Variants in FBXL17 observed in about 807,000 individuals in gnomAD.
The protein encoded by FBXL17 is F-box and leucine rich repeat protein 17, also known as F-box/LRR-repeat protein 17.
A neutral mutation model predicts 66.2 loss-of-function variants in FBXL17; 22 were observed. That is an observed-to-expected ratio of 0.33 (90% CI 0.24 to 0.47). FBXL17 has a LOEUF of 0.47. FBXL17 is among the 20% of genes least tolerant of loss of function. The pLI is 1.00. For synonymous variants in FBXL17, 474 were observed against 400.5 expected, an observed-to-expected ratio of 1.18 and a Z score of -2.19; for missense variants, 878 against 948.2, an observed-to-expected ratio of 0.93 and a Z score of 0.97.
intron 4 of FBXL17, among the ~76,000 whole-genome samples, chr5:108,314,240 T>C (rs926909941): frequency 2.8e-4 from 42 of 151,714 alleles, no homozygotes; most frequent in African/African-American, 9.7e-4. Flanking sequence ...TCTCTTGAAC[T>C]GTGATAAAAG....
chr5:108,284,664 G>A (rs555105247), intron 4 of FBXL17, among the ~76,000 whole-genome samples: 20 of 151,902 alleles, frequency 1.3e-4, no homozygotes, highest in Non-Finnish European at 2.7e-4. Flanking sequence ...CAACCTATGC[G>A]TGTAACAAAA....
chr5:108,301,251 A>C (rs1210011767), intron 4 of FBXL17, among the ~76,000 whole-genome samples: 1 of 151,782 alleles, frequency 6.6e-6, no homozygotes, highest in Non-Finnish European at 1.5e-5. Flanking sequence ...ACATATGTAT[A>C]TAGATGAATT....
At chr5:108,315,570 T>C (rs1272386651) in intron 4 of FBXL17, among the ~76,000 whole-genome samples, 1 of 151,176 alleles carries the variant, frequency 6.6e-6, no homozygotes, top group African/African-American at 2.4e-5. Flanking sequence ...TTTCTAATTA[T>C]AATACAACCA....
chr5:108,292,826 G>A (rs1027302801), intron 4 of FBXL17, among the ~76,000 whole-genome samples: 16 of 152,156 alleles, frequency 1.1e-4, no homozygotes, highest in Non-Finnish European at 1.5e-4. Flanking sequence ...GAGGCCGGGC[G>A]TGGTGGCTTA....
intron 6 of FBXL17, among the ~76,000 whole-genome samples, chr5:108,047,848 A>G (rs1747317185): frequency 6.6e-6 from 1 of 152,152 alleles, no homozygotes; most frequent in Non-Finnish European, 1.5e-5. Flanking sequence ...AGACCAGCAG[A>G]CTTAACCTTT....
At chr5:108,050,355 A>G (rs892297581) in intron 6 of FBXL17, among the ~76,000 whole-genome samples, 2 of 152,318 alleles carry the variant, frequency 1.3e-5, no homozygotes, top group East Asian at 1.9e-4. Flanking sequence ...TGAAATCATA[A>G]CAAACATCCT....
intron 6 of FBXL17, among the ~76,000 whole-genome samples, chr5:108,114,796 ATATT>A (rs1311100804): frequency 2.0e-5 from 3 of 152,256 alleles, no homozygotes; most frequent in African/African-American, 7.2e-5. Context: ...TAGGGTGAAC[ATATT>A]TATCATTGGC....
chr5:108,023,517 C>G (rs1736100365), intron 6 of FBXL17, among the ~76,000 whole-genome samples: 1 of 152,120 alleles, frequency 6.6e-6, no homozygotes, highest in South Asian at 2.1e-4. Context: ...CGTAATCCAC[C>G]TATGTCGCGT....
chr5:107,879,281 G>C, intron 8 of FBXL17: 1 of 985,418 alleles, frequency 1.0e-6, no homozygotes, highest in Non-Finnish European at 1.2e-6. Context: ...GCATTCATGT[G>C]GCAGTTCCTT....
intron 6 of FBXL17, among the ~76,000 whole-genome samples, chr5:108,167,219 A>G (rs1752446523): frequency 6.6e-6 from 1 of 152,218 alleles, no homozygotes; most frequent in South Asian, 2.1e-4. Flanking sequence ...GTAACCTTCA[A>G]GAATCTGCTA....
chr5:108,203,371 A>G (rs1367556725), intron 5 of FBXL17, among the ~76,000 whole-genome samples: 1 of 152,126 alleles, frequency 6.6e-6, no homozygotes, highest in Non-Finnish European at 1.5e-5. Flanking sequence ...GTTGACTGCA[A>G]TAAATGCGTT....
At chr5:108,002,790 T>G (rs1162708048) in intron 7 of FBXL17, among the ~76,000 whole-genome samples, 2 of 152,160 alleles carry the variant, frequency 1.3e-5, no homozygotes, top group African/African-American at 4.8e-5. Flanking sequence ...AGAAACTTAC[T>G]AAGAGAAAGA....
intron 4 of FBXL17, among the ~76,000 whole-genome samples, chr5:108,293,099 A>G (rs2941699): frequency 5.4e-5 from 7 of 130,322 alleles, no homozygotes; most frequent in Non-Finnish European, 9.8e-5. Context: ...AAAAAAAAAC[A>G]AAAAAAAAAA....
intron 7 of FBXL17, among the ~76,000 whole-genome samples, chr5:107,957,929 A>G (rs1751726344): frequency 6.6e-6 from 1 of 152,186 alleles, no homozygotes; most frequent in South Asian, 2.1e-4. Flanking sequence ...ACATCAACAC[A>G]GGCAAAGTAT....
intron 7 of FBXL17, among the ~76,000 whole-genome samples, chr5:108,012,886 A>T (rs945732059): frequency 6.6e-6 from 1 of 152,006 alleles, no homozygotes; most frequent in African/African-American, 2.4e-5. Context: ...GTGGTGGCAC[A>T]TGCCTGTAAT....
chr5:108,125,679 T>C (rs1483197904), intron 6 of FBXL17, among the ~76,000 whole-genome samples: 2 of 152,082 alleles, frequency 1.3e-5, no homozygotes, highest in Non-Finnish European at 2.9e-5. Flanking sequence ...GATATGTTAA[T>C]AGTAATTTGG....
intron 7 of FBXL17, among the ~76,000 whole-genome samples, chr5:108,008,313 C>T (rs952338995): frequency 6.6e-6 from 1 of 152,138 alleles, no homozygotes; most frequent in African/African-American, 2.4e-5. Flanking sequence ...CATTTGCAAA[C>T]CTTGAATGCA....
At chr5:108,362,831 A>G (rs1300510411) in intron 3 of FBXL17, among the ~76,000 whole-genome samples, 3 of 152,092 alleles carry the variant, frequency 2.0e-5, no homozygotes, top group Non-Finnish European at 4.4e-5. Context: ...TAGCAGTTAT[A>G]AAGAAAATAT....
At chr5:108,114,486 C>A (rs1750165833) in intron 6 of FBXL17, among the ~76,000 whole-genome samples, 1 of 152,138 alleles carries the variant, frequency 6.6e-6, no homozygotes, top group Non-Finnish European at 1.5e-5. Context: ...AATTTTATAG[C>A]CAATAATGAG....
Sources: gnomAD v4.1 joint callset for allele counts (sites outside exome capture counted in the v4.1 genomes callset) on GRCh38, gnomAD v4.1.1 for gene constraint, MANE v1.5 for transcripts, NCBI Gene and HGNC (gene_info 2026-07-23, HGNC 2026-07-21) for gene names.